AKAP13: variants seen among roughly 807,000 people sequenced by gnomAD.
The protein encoded by AKAP13 is A-kinase anchoring protein 13.
A neutral mutation model predicts 264.5 loss-of-function variants in AKAP13; 80 were observed. That is an observed-to-expected ratio of 0.30 (90% CI 0.25 to 0.36). The LOEUF (loss-of-function observed/expected upper bound fraction) is 0.36, where lower values mean the gene tolerates loss of function less well. Ranked by LOEUF, AKAP13 falls within the 10% of genes least tolerant of loss-of-function variation. The probability of loss-of-function intolerance (pLI) is 1.00; values close to 1 mark genes in which losing one functional copy is unlikely to be tolerated. For missense variants in AKAP13, 3,712 were observed against 3,435.2 expected, an observed-to-expected ratio of 1.08 and a Z score of -2.01; for synonymous variants, 1,380 against 1,250.2, an observed-to-expected ratio of 1.10 and a Z score of -2.19.
chr15:85,549,775 T>C (rs1014010289), intron 5 of AKAP13, among the ~76,000 whole-genome samples: 2 of 152,226 alleles, frequency 1.3e-5, no homozygotes, highest in African/African-American at 4.8e-5. Flanking sequence ...TAAAGGGTTA[T>C]ATGGTTTCTA....
chr15:85,619,788 A>ATC, intron 8 of AKAP13: 1 of 1,103,044 alleles, frequency 9.1e-7, no homozygotes. Flanking sequence ...TTCAGTCAAG[A>ATC]TCTGCACAAA....
Position 85,515,028 on chromosome 15 carries a change from G to A in AKAP13, c.34-6400G>A, listed in dbSNP as rs74024897. On this transcript the variant is annotated intron_variant, in intron 2 of 36. Transcript: ENST00000394518. ...TTGGGAAGGCCTGTGAAACTTTTAA[G>A]ATTCTGGATTGAAAGGTAGTTTTTG... is the stretch of plus-strand genomic sequence containing the variant. Among the ~76,000 whole-genome samples, 980 of 137,776 alleles carry A rather than the reference G, an allele frequency of 7.1e-3. 220 individuals are homozygous for A. The highest frequency in any genetic ancestry group is 0.023 in the African/African-American group (780 of 34,210). 90.4% of individuals were successfully genotyped at this position (137,776 alleles called of 152,430 possible).
At chr15:85,487,469 CAT>C (rs1422885385) in intron 2 of AKAP13, among the ~76,000 whole-genome samples, 2 of 152,308 alleles carry the variant, frequency 1.3e-5, no homozygotes, top group East Asian at 3.9e-4. Context: ...ATGATGAAAA[CAT>C]GTTGGATTTT....
chr15:85,734,226 G>A (rs975392344), intron 30 of AKAP13, among the ~76,000 whole-genome samples: 3 of 152,152 alleles, frequency 2.0e-5, no homozygotes, highest in Admixed American at 6.6e-5. Flanking sequence ...GTTAGACCCT[G>A]TGTTCTCCCC....
At chr15:85,695,889 A>G (rs1294748650) in intron 17 of AKAP13, among the ~76,000 whole-genome samples, 1 of 152,248 alleles carries the variant, frequency 6.6e-6, no homozygotes, top group Non-Finnish European at 1.5e-5. Context: ...CTTCTGGGAC[A>G]CCAGTCGGAG....
At chr15:85,614,426 A>G (rs2080848152) in intron 8 of AKAP13, among the ~76,000 whole-genome samples, 1 of 152,206 alleles carries the variant, frequency 6.6e-6, no homozygotes, top group Admixed American at 6.5e-5. Context: ...TTTTTGTAAG[A>G]TATTACTATA....
intron 1 of AKAP13, among the ~76,000 whole-genome samples, chr15:85,478,194 C>T (rs190142039): frequency 6.6e-6 from 1 of 152,238 alleles, no homozygotes; most frequent in East Asian, 1.9e-4. Flanking sequence ...TGCTAAAGCT[C>T]AATAACTTAG....
In AKAP13 at chr15:85,579,373, C is replaced by A. The variant is rs201441822; in HGVS notation, c.1305C>A (p.Asp435Glu). The change falls in exon 7 of 37, where the codon GAC (aspartate) becomes GAA (glutamate). Residue 435 changes from aspartate (D) to glutamate (E), a missense_variant. This residue lies in a region of AKAP13 where 2,759 missense variants were observed against 2,411.7 expected (regional missense o/e 1.14). Coordinates refer to ENST00000394518, the MANE Select transcript of AKAP13 (RefSeq NM_007200.5). Reference sequence around the variant, plus strand: ...CAAAATCTTCTGGAATGCCCACAGACCAGGAGTCCCTGAGCAGTGGAGATG... The same window carrying A: ...CAAAATCTTCTGGAATGCCCACAGAACAGGAGTCCCTGAGCAGTGGAGATG... ...TGTKSSGMPT[D>E]QESLSSGDAV... The A allele has an allele frequency of 6.8e-5, 109 of 1,614,188 alleles. No homozygotes were observed. The Admixed American group carries it at 1.8e-3, about 27-fold the overall frequency.
intron 5 of AKAP13, among the ~76,000 whole-genome samples, chr15:85,550,420 C>T (rs1018885682): frequency 3.9e-5 from 6 of 152,170 alleles, no homozygotes; most frequent in Non-Finnish European, 7.3e-5. Flanking sequence ...ACTATTGGCC[C>T]CTCTCAAAGG....
chr15:85,400,248 A>C (rs1225108789), intron 1 of AKAP13, among the ~76,000 whole-genome samples: 1 of 152,206 alleles, frequency 6.6e-6, no homozygotes, highest in African/African-American at 2.4e-5. Flanking sequence ...TCTCTACAAA[A>C]TAAAAATTAA....
intron 1 of AKAP13, among the ~76,000 whole-genome samples, chr15:85,483,204 C>T (rs1349876341): frequency 6.6e-6 from 1 of 152,136 alleles, no homozygotes; most frequent in African/African-American, 2.4e-5. Flanking sequence ...CACGAAACAT[C>T]AGAGGGCTGC....
intron 5 of AKAP13, among the ~76,000 whole-genome samples, chr15:85,568,997 G>A (rs1198970625): frequency 1.3e-5 from 2 of 152,184 alleles, no homozygotes; most frequent in African/African-American, 4.8e-5. Context: ...GAAATAAGGA[G>A]CTGAATGGGG....
intron 9 of AKAP13, among the ~76,000 whole-genome samples, chr15:85,643,776 A>C (rs2082419290): frequency 6.6e-6 from 1 of 152,184 alleles, no homozygotes; most frequent in Non-Finnish European, 1.5e-5. Context: ...GGAATCTGTG[A>C]CAGTCTTTAG....
intron 9 of AKAP13, among the ~76,000 whole-genome samples, chr15:85,644,804 T>G (rs1466702962): frequency 6.6e-6 from 1 of 151,842 alleles, no homozygotes; most frequent in Non-Finnish European, 1.5e-5. Flanking sequence ...AGGCGGAAGT[T>G]GCAAAAACTT....
intron 2 of AKAP13, among the ~76,000 whole-genome samples, chr15:85,489,773 G>A (rs1012248515): frequency 2.6e-5 from 4 of 152,184 alleles, no homozygotes; most frequent in South Asian, 2.1e-4. Context: ...TCCAGAATAC[G>A]TTGCAATAGT....
At chr15:85,451,704 C>T (rs1271740537) in intron 1 of AKAP13, among the ~76,000 whole-genome samples, 2 of 152,244 alleles carry the variant, frequency 1.3e-5, no homozygotes, top group Non-Finnish European at 2.9e-5. Context: ...CCAGTCTCTT[C>T]TGGCTTGTAG....
At chr15:85,582,422 G>T (rs769737867) in intron 7 of AKAP13, among the ~76,000 whole-genome samples, 3 of 152,176 alleles carry the variant, frequency 2.0e-5, no homozygotes, top group South Asian at 2.1e-4. Context: ...AGTGGTGAAA[G>T]AATTTAGCAG....
In AKAP13 at chr15:85,579,306, A is replaced by G. The variant is rs1326445016; in HGVS notation, c.1238A>G (p.Glu413Gly). The change falls in exon 7 of 37, where the codon GAA (glutamate) becomes GGA (glycine). Residue 413 changes from glutamate to glycine, a missense_variant. Physicochemically the swap from Glu to Gly is moderately conservative, Grantham distance 98. Around this residue, in one of 3 missense-constraint regions of AKAP13, gnomAD observed 2,759 missense variants for 2,411.7 expected, o/e 1.14. Coordinates refer to ENST00000394518, the MANE Select transcript of AKAP13 (RefSeq NM_007200.5). ...CCTGATTGTGGAGTAAAGGGCACGG[A>G]AGGCCTTTCGTCCTGTGGAAACAGA... ...SLPDCGVKGT[E>G]GLSSCGNRNE... is the part of the protein sequence containing the mutation. The G allele has an allele frequency of 6.2e-7, 1 of 1,614,122 alleles. No individual in the cohort carries two copies. The highest frequency in any genetic ancestry group is 1.3e-5 in the African/African-American group (1 of 74,952).
chr15:85,682,335 C>T (rs2151604681), intron 15 of AKAP13, 123 bp downstream of exon 15: 1 of 973,564 alleles, frequency 1.0e-6, no homozygotes, highest in Non-Finnish European at 1.5e-6. Flanking sequence ...GAGTGATAAA[C>T]TTGGAATAAT....
Sources: gnomAD v4.1 joint callset for allele counts (sites outside exome capture counted in the v4.1 genomes callset) on GRCh38, gnomAD v4.1.1 for gene constraint, gnomAD v4.1.1 regional missense constraint, MANE v1.5 for transcripts, NCBI Gene and HGNC (gene_info 2026-07-23, HGNC 2026-07-21) for gene names.